Variants in EPHA3 observed in about 807,000 individuals in gnomAD.
The protein encoded by EPHA3 is EPH receptor A3, also known as ephrin type-A receptor 3.
A neutral mutation model predicts 107.1 loss-of-function variants in EPHA3; 42 were observed. That is an observed-to-expected ratio of 0.39 (90% confidence interval 0.31 to 0.51). The LOEUF (loss-of-function observed/expected upper bound fraction) is 0.51. EPHA3 is among the 20% of genes least tolerant of loss of function. EPHA3 has a pLI of 0.78. For missense variants in EPHA3, 1,183 were observed against 1,211.2 expected, an observed-to-expected ratio of 0.98 and a Z score of 0.35; for synonymous variants, 461 against 424.8, an observed-to-expected ratio of 1.09 and a Z score of -1.05.
chr3:89,367,379 G>A (rs185023392), intron 5 of EPHA3, among the ~76,000 whole-genome samples: 2 of 150,462 alleles, frequency 1.3e-5, no homozygotes, highest in East Asian at 2.0e-4. Flanking sequence ...CTGGCCTCCC[G>A]TGTACCCACA....
chr3:89,178,407 A>G (rs554037881), intron 2 of EPHA3, among the ~76,000 whole-genome samples: 2 of 152,096 alleles, frequency 1.3e-5, no homozygotes, highest in South Asian at 2.1e-4. Context: ...TTACACATAC[A>G]TTATTGTTGA....
intron 2 of EPHA3, among the ~76,000 whole-genome samples, chr3:89,207,387 C>T (rs1706130023): frequency 6.6e-6 from 1 of 152,152 alleles, no homozygotes. Context: ...GTACTATGCT[C>T]ACAACCTGGG....
At chr3:89,213,466 A>G (rs1576236309) in intron 3 of EPHA3, among the ~76,000 whole-genome samples, 1 of 152,048 alleles carries the variant, frequency 6.6e-6, no homozygotes, top group East Asian at 1.9e-4. Context: ...TTGCAAATAA[A>G]GATGTTAATT....
intron 10 of EPHA3, among the ~76,000 whole-genome samples, chr3:89,415,044 T>C (rs73137387): frequency 0.19 from 28,856 of 151,526 alleles, 3,341 homozygotes; most frequent in Non-Finnish European, 0.25. Flanking sequence ...AGGTTAGTTA[T>C]ACTTTTCCTG....
intron 3 of EPHA3, among the ~76,000 whole-genome samples, chr3:89,263,580 G>A (rs1410789582): frequency 6.6e-6 from 1 of 152,052 alleles, no homozygotes; most frequent in Non-Finnish European, 1.5e-5. Flanking sequence ...TGGCCATCTC[G>A]GGCCAGATTC....
rs1201767392 is a variant in EPHA3, at chr3:89,344,890, A to G, written c.1306+2800A>G. ...TTCGGATATTAGTTCTCAGCTCTCA[A>G]TACTTTCACAAAGTATGTCAGTGAG... On this transcript the variant is annotated intron_variant, in intron 5 of 16. Coordinates refer to ENST00000336596, the MANE Select transcript of EPHA3 (RefSeq NM_005233.6). 2.6e-5 allele frequency among the ~76,000 whole-genome samples: 4 copies of G among 151,686 alleles called. 1 individual carries two copies. Among genetic ancestry groups the G allele is most frequent in the Non-Finnish European group, 5.9e-5 (4 of 67,724 alleles).
At chr3:89,283,734 A>T (rs1706004561) in intron 3 of EPHA3, among the ~76,000 whole-genome samples, 1 of 152,120 alleles carries the variant, frequency 6.6e-6, no homozygotes, top group Non-Finnish European at 1.5e-5. Context: ...GAAACACAAG[A>T]GAGAATTGAT....
chr3:89,449,941 C>A (rs1451277320), intron 14 of EPHA3, among the ~76,000 whole-genome samples: 2 of 152,092 alleles, frequency 1.3e-5, no homozygotes, highest in African/African-American at 2.4e-5. Flanking sequence ...CAAAAAGGAT[C>A]TTTACATACT....
intron 2 of EPHA3, among the ~76,000 whole-genome samples, chr3:89,197,953 G>A (rs1338951460): frequency 1.3e-5 from 2 of 152,118 alleles, no homozygotes; most frequent in African/African-American, 4.8e-5. Flanking sequence ...TCCAGCCTGG[G>A]TGACAGAGCA....
intron 3 of EPHA3, among the ~76,000 whole-genome samples, chr3:89,214,785 C>T (rs919747106): frequency 6.6e-6 from 1 of 151,784 alleles, no homozygotes; most frequent in Non-Finnish European, 1.5e-5. Flanking sequence ...TTCCAAAGTG[C>T]CTTGAGTTTA....
intron 5 of EPHA3, among the ~76,000 whole-genome samples, chr3:89,366,812 C>A (rs1480867763): frequency 6.6e-6 from 1 of 150,602 alleles, no homozygotes; most frequent in Admixed American, 6.7e-5. Flanking sequence ...AATTGTTGTT[C>A]ACTTTGTTCA....
rs148495560 is a variant in EPHA3 at position 89,228,348 on chromosome 3, C to G, written c.814+17828C>G. On this transcript the variant is annotated intron_variant, in intron 3 of 16. Transcript: ENST00000336596. Reference sequence around the variant, plus strand: ...ATTGGACAAAATAACAATGAGAAAGCCTGCCAGCACAGTTATAAAGGATTA... The same window carrying G: ...ATTGGACAAAATAACAATGAGAAAGGCTGCCAGCACAGTTATAAAGGATTA... 9.9e-4 allele frequency among the ~76,000 whole-genome samples: 150 copies of G among 151,886 alleles called. 2 individuals carry two copies. In the East Asian group the frequency reaches 0.019, roughly 19 times the overall value.
At chr3:89,173,776 G>T (rs79193922) in intron 2 of EPHA3, among the ~76,000 whole-genome samples, 33 of 151,754 alleles carry the variant, frequency 2.2e-4, no homozygotes, top group Middle Eastern at 3.4e-3. Flanking sequence ...CAATTCTTGA[G>T]AACTAAAACA....
chr3:89,130,444 G>T (rs1704181656), intron 2 of EPHA3, among the ~76,000 whole-genome samples: 1 of 151,992 alleles, frequency 6.6e-6, no homozygotes, highest in Non-Finnish European at 1.5e-5. Context: ...ATCTTTCATG[G>T]AATGCTTGTA....
intron 3 of EPHA3, among the ~76,000 whole-genome samples, chr3:89,270,668 T>A (rs1038939625): frequency 1.3e-5 from 2 of 152,096 alleles, no homozygotes; most frequent in African/African-American, 4.8e-5. Context: ...TGTAACTTTT[T>A]GAATGAATTC....
At chr3:89,348,138 T>C (rs1260098989) in intron 5 of EPHA3, among the ~76,000 whole-genome samples, 1 of 144,044 alleles carries the variant, frequency 6.9e-6, no homozygotes, top group Admixed American at 7.1e-5. Context: ...ATAAAATGAG[T>C]TAGGGAGGAT....
chr3:89,406,317 GA>G (rs1709053650), intron 7 of EPHA3, among the ~76,000 whole-genome samples: 1 of 152,158 alleles, frequency 6.6e-6, no homozygotes, highest in Non-Finnish European at 1.5e-5. Context: ...CGGAATGACT[GA>G]ATCTGAAACT....
At chr3:89,251,606 A>G (rs931869114) in intron 3 of EPHA3, among the ~76,000 whole-genome samples, 1 of 152,114 alleles carries the variant, frequency 6.6e-6, no homozygotes, top group African/African-American at 2.4e-5. Context: ...AATCAATCTG[A>G]TTACTAAGCC....
intron 3 of EPHA3, among the ~76,000 whole-genome samples, chr3:89,241,287 A>T (rs1408511671): frequency 6.6e-6 from 1 of 152,178 alleles, no homozygotes; most frequent in Admixed American, 6.5e-5. Flanking sequence ...CACACCACAC[A>T]CCAATCAGTA....
Sources: allele counts gnomAD v4.1 joint callset (sites outside exome capture counted in the v4.1 genomes callset), GRCh38; gene constraint gnomAD v4.1.1; transcripts MANE v1.5; gene names NCBI Gene and HGNC (gene_info 2026-07-23, HGNC 2026-07-21).